PLXND1: variants seen among roughly 807,000 people sequenced by gnomAD.
PLXND1 encodes plexin-D1.
PLXND1 carries 54 observed loss-of-function variants against 197.7 expected under a neutral mutation model. The observed-to-expected ratio is 0.27, with a 90% CI of 0.22 to 0.34. The LOEUF is 0.34. Among genes scored for constraint, PLXND1 ranks in the 10% least tolerant of loss-of-function variants. The pLI, the probability that PLXND1 is intolerant of heterozygous loss-of-function variation, is 1.00. For synonymous variants in PLXND1, 1,180 were observed against 1,161.2 expected, an observed-to-expected ratio of 1.02 and a Z score of -0.33; for missense variants, 2,127 against 2,699.2, an observed-to-expected ratio of 0.79 and a Z score of 4.70.
intron 1 of PLXND1, among the ~76,000 whole-genome samples, chr3:129,590,371 C>G (rs764548116): frequency 5.3e-5 from 8 of 152,120 alleles, no homozygotes; most frequent in Non-Finnish European, 8.8e-5. Flanking sequence ...TCAAAGGTTC[C>G]TGGTGCAATT....
Position 129,586,186 on chromosome 3 carries a change from A to C in PLXND1, c.1707T>G (p.Cys569Trp). ...VGAADAYCGW[C>W]ALETRCTLQQ... ...TCCAGCCTCACCGCGTCTCCAGGGC[A>C]CACCAGCCGCAGTAGGCGTCCGCCG... is the stretch of plus-strand genomic sequence containing the variant. The change falls in exon 4 of 36, where the codon TGT becomes TGG. Residue 569 changes from cysteine (C) to tryptophan (W), a missense_variant. Coordinates refer to ENST00000324093, the MANE Select transcript of PLXND1 (RefSeq NM_015103.3). The C allele has an allele frequency of 6.2e-7, 1 of 1,605,582 alleles. No individual in the cohort carries two copies.
At chr3:129,601,280 G>C (rs1352130382) in intron 1 of PLXND1, among the ~76,000 whole-genome samples, 1 of 152,188 alleles carries the variant, frequency 6.6e-6, no homozygotes, top group Non-Finnish European at 1.5e-5. Flanking sequence ...GGGGACCGAG[G>C]TTCTCTGCCT....
intron 8 of PLXND1, among the ~76,000 whole-genome samples, chr3:129,580,508 C>T (rs1365374383): frequency 1.3e-5 from 2 of 152,130 alleles, no homozygotes; most frequent in African/African-American, 4.8e-5. Flanking sequence ...CCTCTGTCCT[C>T]CTGGCCCCAG....
intron 1 of PLXND1, among the ~76,000 whole-genome samples, chr3:129,603,514 C>T (rs954860310): frequency 6.6e-6 from 1 of 152,212 alleles, no homozygotes; most frequent in African/African-American, 2.4e-5. Flanking sequence ...CACTGAGACC[C>T]CCAGTGCCAA....
intron 18 of PLXND1, 30 bp downstream of exon 18, chr3:129,571,010 C>T: frequency 6.2e-7 from 1 of 1,612,922 alleles, no homozygotes; most frequent in Non-Finnish European, 8.5e-7. Flanking sequence ...CTCGCTTGCC[C>T]CCGCCTACCC....
chr3:129,604,061 G>A (rs573881502), intron 1 of PLXND1, among the ~76,000 whole-genome samples: 21 of 152,146 alleles, frequency 1.4e-4, no homozygotes, highest in Non-Finnish European at 2.2e-4. Context: ...TCCTTTCAGG[G>A]AACCACACCA....
At chr3:129,556,991 C>T in intron 34 of PLXND1, 92 bp downstream of exon 34, 1 of 1,380,730 alleles carries the variant, frequency 7.2e-7, no homozygotes, top group Non-Finnish European at 1.0e-6. Flanking sequence ...GCGCTCCCTG[C>T]CCTTACTCCA....
rs1471535338 is a variant in PLXND1, at chr3:129,571,608, G to A, written c.3246-9C>T. ...TGATGGTCCTGCCGCCACTGCGGGG[G>A]ACAGCAAAACCTATCAGTGCACCTG... is the stretch of plus-strand genomic sequence containing the variant. On this transcript the variant is annotated splice_polypyrimidine_tract_variant and intron_variant, in intron 16 of 35. Coordinates refer to ENST00000324093, the MANE Select transcript of PLXND1 (RefSeq NM_015103.3). 1.9e-6 allele frequency: 3 copies of A among 1,613,820 alleles called. No homozygotes were observed. The highest frequency in any genetic ancestry group is 2.7e-5 in the African/African-American group (2 of 74,946).
intron 1 of PLXND1, among the ~76,000 whole-genome samples, chr3:129,602,444 C>T (rs533208520): frequency 2.6e-5 from 4 of 152,364 alleles, no homozygotes; most frequent in East Asian, 3.9e-4. Flanking sequence ...CCGCCCCCTC[C>T]GCTGGGCTCC....
rs370338586 is a variant in PLXND1, at chr3:129,573,656, G to A, written c.2775C>T (p.His925=). 51 of 1,613,496 alleles carry A rather than the reference G, an allele frequency of 3.2e-5. No individual in the cohort carries two copies. Among genetic ancestry groups the A allele is most frequent in the Admixed American group, 8.3e-5 (5 of 60,000 alleles). Residue 925 remains histidine (H), a synonymous_variant, in exon 13 of 36, where the codon CAC becomes CAT. Coordinates refer to ENST00000324093, the MANE Select transcript of PLXND1 (RefSeq NM_015103.3). ...AGGCCACACCACCAATCCACACGCC[G>A]TGGGCCACGTCACTGAGCCGCCGGC... ...NLGRRLSDVA[H]GVWIGGVACE...
chr3:129,596,168 C>T (rs2085619139), intron 1 of PLXND1, among the ~76,000 whole-genome samples: 1 of 152,016 alleles, frequency 6.6e-6, no homozygotes, highest in South Asian at 2.1e-4. Flanking sequence ...TAAATGTTCC[C>T]AATTAGCTAT....
At chr3:129,580,364 G>A (rs1430828380) in intron 8 of PLXND1, among the ~76,000 whole-genome samples, 4 of 152,174 alleles carry the variant, frequency 2.6e-5, no homozygotes, top group Admixed American at 2.0e-4. Flanking sequence ...AGTCAGCGGC[G>A]GGCCCCCTGC....
At position 129,605,568 on chromosome 3, in the gene PLXND1, G is replaced by A; in HGVS notation, c.1072C>T (p.Leu358=). The A allele has an allele frequency of 2.6e-6, 4 of 1,532,674 alleles. No individual in the cohort carries two copies. Among genetic ancestry groups the A allele is most frequent in the Non-Finnish European group, 3.5e-6 (4 of 1,143,982 alleles). 94.9% of individuals were successfully genotyped at this position (1,532,674 alleles called of 1,614,324 possible). The change falls in exon 1 of 36, where the codon CTG becomes TTG. Residue 358 remains leucine (L), a synonymous_variant. Coordinates refer to ENST00000324093, the MANE Select transcript of PLXND1 (RefSeq NM_015103.3). Reference sequence around the variant, plus strand: ...TCCCGGGCTGGGAAGACCGACACCAGGCGGCTGTAGAGGTCGCCGCGGCCC... The same window carrying A: ...TCCCGGGCTGGGAAGACCGACACCAAGCGGCTGTAGAGGTCGCCGCGGCCC... ...GAGRGDLYSR[L]VSVFPARERL...
At chr3:129,562,991 C>T (rs2085083873) in intron 26 of PLXND1, 48 bp from the exon 27 acceptor site, 1 of 1,606,298 alleles carries the variant, frequency 6.2e-7, no homozygotes, top group Non-Finnish European at 8.5e-7. Flanking sequence ...GCTGCCATCA[C>T]TATGTCAGTG....
Position 129,577,439 on chromosome 3 carries a change from C to A in PLXND1, c.2346+890G>T, listed in dbSNP as rs1473578495. Among the ~76,000 whole-genome samples the A allele has an allele frequency of 6.9e-6, 1 of 144,118 alleles. No individual in the cohort carries two copies. The highest frequency in any genetic ancestry group is 1.5e-5 in the Non-Finnish European group (1 of 65,630). The allele number at this position is 144,118 out of a possible 152,430, so 94.5% of individuals were successfully genotyped here. A position where few individuals can be genotyped will look rare whatever the true frequency, so the allele number is the denominator to read the frequency against. ...AGCCCCCTGGCTGATCCTGGAGGCGCTTGCCCCAACTCCTGCAGGGTGGGG... is the reference window on the plus strand; with the variant it reads ...AGCCCCCTGGCTGATCCTGGAGGCGATTGCCCCAACTCCTGCAGGGTGGGG... On this transcript the variant is annotated intron_variant, in intron 9 of 35. Coordinates refer to ENST00000324093, the MANE Select transcript of PLXND1 (RefSeq NM_015103.3). This position sits in a 1 kb window ranked among gnomAD's most constrained non-coding sequence, Gnocchi z 5.0.
chr3:129,564,186 C>T (rs1339108155), intron 25 of PLXND1, among the ~76,000 whole-genome samples: 2 of 152,242 alleles, frequency 1.3e-5, no homozygotes, highest in African/African-American at 4.8e-5. Context: ...CACCCCACTA[C>T]CCCCTTCCCC....
At position 129,558,318 on chromosome 3, in the gene PLXND1, T is replaced by G. The variant is rs1257428405; in HGVS notation, c.5445+110A>C. On this transcript the variant is annotated intron_variant, in intron 33 of 35. Transcript: ENST00000324093. This position sits in a 1 kb window ranked among gnomAD's most constrained non-coding sequence, Gnocchi z 4.1. ...TAGACCTGAGATCTTTTGGTTCCCCTCCCAGGAAGATCTCTGAGCTCAGCC... is the reference window on the plus strand; with the variant it reads ...TAGACCTGAGATCTTTTGGTTCCCCGCCCAGGAAGATCTCTGAGCTCAGCC... The G allele has an allele frequency of 6.4e-6, 7 of 1,095,150 alleles. No individual in the cohort carries two copies. In the East Asian group the frequency reaches 1.7e-4, roughly 26 times the overall value. The allele number at this position is 1,095,150 out of a possible 1,614,324, so 67.8% of individuals were successfully genotyped here. A position where few individuals can be genotyped will look rare whatever the true frequency, so the allele number is the denominator to read the frequency against.
In PLXND1 at chr3:129,586,616, C is replaced by A. The variant is rs117182497; in HGVS notation, c.1592G>T (p.Gly531Val). The stretch of plus-strand genomic sequence containing the variant: ...GTGGGACGTCATCAGGTAAAGGTAA[C>A]CGGAGTCTGCTGGGTCAAACTGCAT... Reference protein sequence around the residue: ...HVMQFDPADSGYLYLMTSHQM... With the variant: ...HVMQFDPADSVYLYLMTSHQM... Residue 531 changes from glycine (G) to valine (V), a missense_variant, in exon 3 of 36, where the codon GGT becomes GTT. Transcript: ENST00000324093. The A allele has an allele frequency of 1.4e-3, 2,142 of 1,573,608 alleles. 11 individuals are homozygous for A. In the East Asian group the frequency reaches 0.014, roughly 11 times the overall value.
chr3:129,585,972 C>A lies in PLXND1; in HGVS notation c.1831G>T (p.Asp611Tyr), dbSNP rs373770425. 6.2e-7 allele frequency: 1 copy of A among 1,614,078 alleles called. No individual in the cohort carries two copies. Among genetic ancestry groups the A allele is most frequent in the Non-Finnish European group, 8.5e-7 (1 of 1,180,022 alleles). ...PAMTVLPSEI[D>Y]VRQEYPGMIL... ...CTCACTGGGTACTCCTGGCGCACATCGATCTCGGAAGGCAGGACGGTCATG... is the reference window on the plus strand; with the variant it reads ...CTCACTGGGTACTCCTGGCGCACATAGATCTCGGAAGGCAGGACGGTCATG... Residue 611 changes from aspartate to tyrosine, a missense_variant, in exon 5 of 36, where the codon GAT (aspartate) becomes TAT (tyrosine). Around this residue, in one of 6 missense-constraint regions of PLXND1, gnomAD observed 1,095 missense variants for 1,259.8 expected, o/e 0.87. Coordinates refer to ENST00000324093, the MANE Select transcript of PLXND1 (RefSeq NM_015103.3).
Sources: allele counts gnomAD v4.1 joint callset (sites outside exome capture counted in the v4.1 genomes callset), GRCh38; gene constraint gnomAD v4.1.1; regional missense constraint gnomAD v4.1.1; non-coding constraint Gnocchi (gnomAD v3.1); transcripts MANE v1.5; gene names NCBI Gene and HGNC (gene_info 2026-07-23, HGNC 2026-07-21).